Variants in ASIC2 observed in about 807,000 individuals in gnomAD.
ASIC2 encodes the protein acid-sensing ion channel 2.
Under a neutral mutation model 57.3 loss-of-function variants are expected in ASIC2, and 25 were observed. The ratio of observed to expected loss-of-function variants is 0.44; its 90% CI spans 0.32 to 0.61. The LOEUF is 0.61. Among genes scored for constraint, ASIC2 ranks in the 20% least tolerant of loss-of-function variants. The probability of loss-of-function intolerance (pLI) is 0.06; values close to 1 mark genes in which losing one functional copy is unlikely to be tolerated. For missense variants in ASIC2, 641 were observed against 738.1 expected (o/e 0.87, Z 1.52); for synonymous variants, 319 against 307.5 (o/e 1.04, Z -0.39).
At chr17:33,147,006 A>G (rs1281782005) in intron 1 of ASIC2, among the ~76,000 whole-genome samples, 3 of 152,208 alleles carry the variant, frequency 2.0e-5, no homozygotes, top group Non-Finnish European at 2.9e-5. Flanking sequence ...GCTCCTTGAT[A>G]TCTTCTAAAG....
chr17:33,102,700 C>T (rs534675129), intron 2 of ASIC2, among the ~76,000 whole-genome samples: 7 of 152,076 alleles, frequency 4.6e-5, no homozygotes, highest in South Asian at 2.1e-4. Context: ...TTAACCTTTT[C>T]GGGAGATGTT....
intron 1 of ASIC2, among the ~76,000 whole-genome samples, chr17:33,546,225 A>G (rs1915574550): frequency 6.6e-6 from 1 of 151,700 alleles, no homozygotes; most frequent in Non-Finnish European, 1.5e-5. Flanking sequence ...ACACATATGC[A>G]CAAATAGACA....
intron 9 of ASIC2, among the ~76,000 whole-genome samples, chr17:33,015,186 G>T (rs1222782515): frequency 6.6e-6 from 1 of 152,158 alleles, no homozygotes; most frequent in Non-Finnish European, 1.5e-5. Flanking sequence ...ATATTAAGTG[G>T]GTGGTGGTCA....
At chr17:34,015,862 T>C (rs1228379992) in intron 1 of ASIC2, among the ~76,000 whole-genome samples, 2 of 152,222 alleles carry the variant, frequency 1.3e-5, no homozygotes, top group Non-Finnish European at 2.9e-5. Context: ...GCCCAACCTC[T>C]TAAGATTCAG....
At chr17:33,533,785 G>A (rs536201313) in intron 1 of ASIC2, 11 of 152,266 alleles carry the variant, frequency 7.2e-5, no homozygotes, top group African/African-American at 2.4e-4. Flanking sequence ...AGAACTTGGT[G>A]TTCTAAATTC....
chr17:33,882,468 C>G (rs1469740875), intron 1 of ASIC2, among the ~76,000 whole-genome samples: 2 of 152,180 alleles, frequency 1.3e-5, no homozygotes, highest in South Asian at 4.1e-4. Flanking sequence ...ACAGACACTT[C>G]TCAAAAGAAG....
At chr17:34,155,925 C>A in intron 1 of ASIC2, 2 of 1,540,130 alleles carry the variant, frequency 1.3e-6, no homozygotes, top group Admixed American at 2.0e-5. Context: ...AGACCACCGG[C>A]GCACCACTTC....
chr17:34,155,785 G>A (rs1904696054), intron 1 of ASIC2: 4 of 619,718 alleles, frequency 6.5e-6, no homozygotes, highest in Middle Eastern at 4.4e-4. Flanking sequence ...TGACAGCAGT[G>A]CTCTATCCTG....
At chr17:34,086,930 T>A (rs1364027845) in intron 1 of ASIC2, among the ~76,000 whole-genome samples, 1 of 152,180 alleles carries the variant, frequency 6.6e-6, no homozygotes, top group Admixed American at 6.5e-5. Flanking sequence ...AGCCTATGTG[T>A]GTCTCTGCAT....
intron 1 of ASIC2, among the ~76,000 whole-genome samples, chr17:33,547,647 C>T (rs893926356): frequency 2.0e-5 from 3 of 152,160 alleles, no homozygotes; most frequent in Non-Finnish European, 4.4e-5. Context: ...ACCCACTGGA[C>T]TTGGTAATGA....
At chr17:34,014,217 A>G (rs551864015) in intron 1 of ASIC2, among the ~76,000 whole-genome samples, 1 of 152,230 alleles carries the variant, frequency 6.6e-6, no homozygotes, top group Admixed American at 6.5e-5. Context: ...TAAATGAGGT[A>G]AGTAATGCTT....
At chr17:33,103,377 T>C (rs1482201059) in intron 2 of ASIC2, among the ~76,000 whole-genome samples, 2 of 152,218 alleles carry the variant, frequency 1.3e-5, no homozygotes, top group African/African-American at 4.8e-5. Flanking sequence ...GTAACACAGG[T>C]CACACAGATG....
At chr17:33,393,489 C>A (rs1046640165) in intron 1 of ASIC2, among the ~76,000 whole-genome samples, 2 of 152,124 alleles carry the variant, frequency 1.3e-5, no homozygotes, top group Non-Finnish European at 2.9e-5. Flanking sequence ...TAGCAACTTT[C>A]CTCATCCAGT....
chr17:33,089,076 T>C, intron 2 of ASIC2, 86 bp from the exon 3 acceptor site: 6 of 1,550,970 alleles, frequency 3.9e-6, no homozygotes. Flanking sequence ...AAAGGGATGC[T>C]GAAAAGACCC....
intron 1 of ASIC2, among the ~76,000 whole-genome samples, chr17:33,495,455 G>A (rs1208534386): frequency 5.3e-5 from 8 of 152,120 alleles, no homozygotes; most frequent in Admixed American, 2.0e-4. Context: ...CCCAAGTCTC[G>A]AGTCTCCTCT....
chr17:33,866,713 T>C (rs1003149142), intron 1 of ASIC2, among the ~76,000 whole-genome samples: 2 of 152,190 alleles, frequency 1.3e-5, no homozygotes, highest in African/African-American at 4.8e-5. Flanking sequence ...CTGACTGATC[T>C]CTATATGTCA....
intron 1 of ASIC2, among the ~76,000 whole-genome samples, chr17:33,270,829 C>G (rs1028077236): frequency 1.3e-5 from 2 of 152,224 alleles, no homozygotes; most frequent in African/African-American, 4.8e-5. Flanking sequence ...AGAATACAAA[C>G]AGCTTCTGTT....
chr17:33,051,706 AG>A (rs1433967001), intron 3 of ASIC2, among the ~76,000 whole-genome samples: 1 of 152,134 alleles, frequency 6.6e-6, no homozygotes, highest in African/African-American at 2.4e-5. Flanking sequence ...TTCATCTTGG[AG>A]GGGTTTTATG....
At chr17:34,081,686 C>G (rs2189332) in intron 1 of ASIC2, among the ~76,000 whole-genome samples, 30,300 of 152,094 alleles carry the variant, frequency 0.2, 4,031 homozygotes, top group African/African-American at 0.38. Flanking sequence ...ATAATTTGCT[C>G]TATCTTTTCC....
Sources: allele counts gnomAD v4.1 joint callset (sites outside exome capture counted in the v4.1 genomes callset), GRCh38; gene constraint gnomAD v4.1.1; transcripts MANE v1.5; gene names NCBI Gene and HGNC (gene_info 2026-07-23, HGNC 2026-07-21).